Variants in SGCD observed in about 807,000 individuals in gnomAD.
SGCD encodes the protein delta-sarcoglycan.
A neutral mutation model predicts 36.6 loss-of-function variants in SGCD; 18 were observed. The ratio of observed to expected loss-of-function variants is 0.49; its 90% CI spans 0.34 to 0.73. SGCD has a LOEUF of 0.73. SGCD is among the 30% of genes least tolerant of loss of function. SGCD has a pLI of 0.01. For missense variants in SGCD, 387 were observed against 346.7 expected (o/e 1.12, Z -0.92); for synonymous variants, 133 against 130.6 (o/e 1.02, Z -0.12).
intron 3 of SGCD, among the ~76,000 whole-genome samples, chr5:156,412,505 A>G (rs1772816393): frequency 2.0e-5 from 3 of 152,158 alleles, no homozygotes; most frequent in Admixed American, 2.0e-4. Context: ...ATAAAATCCT[A>G]CTGGATTAGG....
chr5:156,269,504 A>C (rs928198430), intron 3 of SGCD, among the ~76,000 whole-genome samples: 16 of 147,432 alleles, frequency 1.1e-4, no homozygotes, highest in African/African-American at 3.1e-4. Flanking sequence ...AAAAAAAAAA[A>C]AAAAAACCAT....
the SGCD span, among the ~76,000 whole-genome samples, chr5:155,741,386 G>A: frequency 1.3e-5 from 2 of 152,184 alleles, no homozygotes; most frequent in Non-Finnish European, 2.9e-5. Context: ...CCCTGTAAGA[G>A]AGAGTTTTGC....
intron 4 of SGCD, among the ~76,000 whole-genome samples, chr5:156,512,825 G>C (rs973700088): frequency 6.6e-6 from 1 of 151,976 alleles, no homozygotes; most frequent in Non-Finnish European, 1.5e-5. Context: ...TATATAAATG[G>C]AATCATATAG....
intron 1 of SGCD, among the ~76,000 whole-genome samples, chr5:156,073,986 G>A (rs548806437): frequency 1.3e-4 from 20 of 152,302 alleles, no homozygotes; most frequent in Admixed American, 3.3e-4. Context: ...CTTGAAGGGT[G>A]AGTAAGATTC....
intron 3 of SGCD, among the ~76,000 whole-genome samples, chr5:156,142,978 A>C (rs142389024): frequency 6.6e-6 from 1 of 152,354 alleles, no homozygotes; most frequent in African/African-American, 2.4e-5. Context: ...ACAATGGGGA[A>C]ACGGACTGGA....
At chr5:156,622,317 C>T (rs893716532) in intron 6 of SGCD, among the ~76,000 whole-genome samples, 4 of 151,384 alleles carry the variant, frequency 2.6e-5, no homozygotes, top group Non-Finnish European at 5.9e-5. Flanking sequence ...CCTGTAATCT[C>T]GGCTACTTGA....
intron 1 of SGCD, among the ~76,000 whole-genome samples, chr5:155,907,314 T>G (rs1756539440): frequency 6.6e-6 from 1 of 152,126 alleles, no homozygotes; most frequent in Non-Finnish European, 1.5e-5. Flanking sequence ...GAGTGTTGCT[T>G]TCATACCTGC....
chr5:155,857,268 T>C, the SGCD span, among the ~76,000 whole-genome samples: 5 of 152,142 alleles, frequency 3.3e-5, no homozygotes, highest in African/African-American at 1.2e-4. Flanking sequence ...GTTAAACATA[T>C]ATCTGCCATG....
the SGCD span, among the ~76,000 whole-genome samples, chr5:155,835,084 CGCAATCTCCGCCTCCCAGGTTCAA>C: frequency 6.9e-6 from 1 of 144,588 alleles, no homozygotes; most frequent in African/African-American, 2.6e-5. Context: ...CTCGGCTCAA[CGCAATCTCCGCCTCCCAGGTTCAA>C]GCAATTCTCC....
At chr5:155,864,069 C>G in the SGCD span, among the ~76,000 whole-genome samples, 3 of 152,094 alleles carry the variant, frequency 2.0e-5, no homozygotes, top group Non-Finnish European at 2.9e-5. Context: ...GGGATAATGA[C>G]AATTTAGATG....
intron 3 of SGCD, among the ~76,000 whole-genome samples, chr5:156,391,367 A>G (rs1164503598): frequency 6.6e-6 from 1 of 152,192 alleles, no homozygotes; most frequent in Non-Finnish European, 1.5e-5. Flanking sequence ...TCCTCAGAAC[A>G]CGTGCCTATT....
chr5:155,991,444 G>A (rs1581030793), intron 1 of SGCD, among the ~76,000 whole-genome samples: 2 of 152,098 alleles, frequency 1.3e-5, no homozygotes, highest in Non-Finnish European at 1.5e-5. Context: ...CACTCAAAGA[G>A]ATCACACTGA....
chr5:155,770,304 T>C, the SGCD span, among the ~76,000 whole-genome samples: 1 of 151,884 alleles, frequency 6.6e-6, no homozygotes, highest in African/African-American at 2.4e-5. Flanking sequence ...GAAAAGTCTG[T>C]TTGAGGAGTG....
intron 3 of SGCD, among the ~76,000 whole-genome samples, chr5:156,127,537 C>T (rs903395354): frequency 6.6e-5 from 10 of 152,100 alleles, no homozygotes; most frequent in Admixed American, 2.6e-4. Flanking sequence ...AGATTGCTTG[C>T]GTCCAAGAAT....
At chr5:155,981,297 G>A (rs1758224271) in intron 1 of SGCD, among the ~76,000 whole-genome samples, 1 of 152,200 alleles carries the variant, frequency 6.6e-6, no homozygotes, top group South Asian at 2.1e-4. Context: ...CATGGAATTA[G>A]GTCCAGATGT....
At chr5:155,803,821 G>C in the SGCD span, among the ~76,000 whole-genome samples, 1 of 152,124 alleles carries the variant, frequency 6.6e-6, no homozygotes. Context: ...ATGGAGCATA[G>C]GGTATGCTCT....
intron 1 of SGCD, among the ~76,000 whole-genome samples, chr5:155,871,611 G>C (rs1323245107): frequency 6.6e-6 from 1 of 152,156 alleles, no homozygotes; most frequent in East Asian, 1.9e-4. Context: ...GGTAAAAAGA[G>C]GAGGAATTGC....
At chr5:155,782,922 T>C in the SGCD span, among the ~76,000 whole-genome samples, 275 of 152,106 alleles carry the variant, frequency 1.8e-3, 1 homozygote, top group African/African-American at 6.4e-3. Flanking sequence ...GCTAAAAAGG[T>C]TGGGGACTGC....
chr5:156,447,269 A>G (rs942007144), intron 3 of SGCD, among the ~76,000 whole-genome samples: 3 of 152,226 alleles, frequency 2.0e-5, no homozygotes, highest in African/African-American at 7.2e-5. Context: ...AGAACCATAT[A>G]AAATTTCTAA....
Sources: gnomAD v4.1 joint callset for allele counts (sites outside exome capture counted in the v4.1 genomes callset) on GRCh38, gnomAD v4.1.1 for gene constraint, MANE v1.5 for transcripts, NCBI Gene and HGNC (gene_info 2026-07-23, HGNC 2026-07-21) for gene names.